GRM8: variants seen among roughly 807,000 people sequenced by gnomAD.
The protein encoded by GRM8 is metabotropic glutamate receptor 8.
GRM8 carries 47 observed loss-of-function variants against 87.2 expected under a neutral mutation model. The ratio of observed to expected loss-of-function variants is 0.54; its 90% CI spans 0.43 to 0.69. The LOEUF (loss-of-function observed/expected upper bound fraction) is 0.69, where lower values mean the gene tolerates loss of function less well. Ranked by LOEUF, GRM8 falls within the 30% of genes least tolerant of loss-of-function variation. The probability of loss-of-function intolerance (pLI) is 0.00; values close to 1 mark genes in which losing one functional copy is unlikely to be tolerated. For synonymous variants in GRM8, 396 were observed against 404.5 expected, an observed-to-expected ratio of 0.98 and a Z score of 0.25; for missense variants, 1,019 against 1,139.2, an observed-to-expected ratio of 0.89 and a Z score of 1.52.
chr7:126,547,475 T>C (rs1817284418), intron 8 of GRM8, among the ~76,000 whole-genome samples: 1 of 151,838 alleles, frequency 6.6e-6, no homozygotes, highest in African/African-American at 2.4e-5. Flanking sequence ...TCTGATACAT[T>C]ATCATTCATT....
At chr7:127,073,719 A>G (rs997228539) in intron 3 of GRM8, among the ~76,000 whole-genome samples, 2 of 152,176 alleles carry the variant, frequency 1.3e-5, no homozygotes, top group African/African-American at 4.8e-5. Context: ...CTCACGAATC[A>G]TGAGGTGGGA....
intron 3 of GRM8, among the ~76,000 whole-genome samples, chr7:126,908,520 T>C (rs531688257): frequency 1.3e-5 from 2 of 152,326 alleles, no homozygotes; most frequent in African/African-American, 2.4e-5. Flanking sequence ...ATTAAAGACA[T>C]GTTATATGCT....
chr7:126,555,782 T>G (rs2150943613), intron 8 of GRM8, among the ~76,000 whole-genome samples: 1 of 152,306 alleles, frequency 6.6e-6, no homozygotes, highest in Non-Finnish European at 1.5e-5. Flanking sequence ...ACTTTATTCT[T>G]CCTAAAATAT....
intron 7 of GRM8, among the ~76,000 whole-genome samples, chr7:126,737,300 A>G (rs1287860400): frequency 6.6e-6 from 1 of 151,942 alleles, no homozygotes; most frequent in Non-Finnish European, 1.5e-5. Context: ...ATCTCCACCA[A>G]GGAACTGACT....
intron 3 of GRM8, among the ~76,000 whole-genome samples, chr7:127,070,126 A>T (rs929494090): frequency 4.6e-5 from 7 of 152,192 alleles, no homozygotes; most frequent in Non-Finnish European, 8.8e-5. Context: ...ACTTGTCTTT[A>T]AAAATACCAT....
At chr7:126,879,905 T>C (rs1189807352) in intron 6 of GRM8, among the ~76,000 whole-genome samples, 2 of 152,204 alleles carry the variant, frequency 1.3e-5, no homozygotes, top group African/African-American at 4.8e-5. Flanking sequence ...CTAGTTTGCG[T>C]GCCCTTTCTC....
intron 6 of GRM8, among the ~76,000 whole-genome samples, chr7:126,886,652 C>T (rs1233001510): frequency 6.6e-6 from 1 of 152,134 alleles, no homozygotes; most frequent in African/African-American, 2.4e-5. Context: ...AATGAAGTTA[C>T]TGCCTACGTG....
At chr7:126,927,359 A>G (rs139103925) in intron 3 of GRM8, among the ~76,000 whole-genome samples, 134 of 151,502 alleles carry the variant, frequency 8.8e-4, no homozygotes, top group African/African-American at 3.1e-3. Context: ...TTGGTTTTGA[A>G]CTCCTGGCTT....
chr7:127,228,860 T>G (rs920482696), intron 2 of GRM8: 1 of 152,206 alleles, frequency 6.6e-6, no homozygotes, highest in African/African-American at 2.4e-5. Context: ...GGGCATAGAT[T>G]CTTTGAGGGA....
intron 2 of GRM8, among the ~76,000 whole-genome samples, chr7:127,144,142 G>A (rs1470645723): frequency 6.6e-6 from 1 of 152,078 alleles, no homozygotes; most frequent in Non-Finnish European, 1.5e-5. Flanking sequence ...CATATACTTG[G>A]AACAGTGTGG....
In GRM8 at chr7:126,971,638, A is replaced by G. The variant is rs17867722; in HGVS notation, c.728-66955T>C. Among the ~76,000 whole-genome samples, 1,410 of 152,276 alleles carry G rather than the reference A, an allele frequency of 9.3e-3. 15 individuals carry two copies. The highest frequency in any genetic ancestry group is 0.014 in the Non-Finnish European group (942 of 68,008). On this transcript the variant is annotated intron_variant, in intron 3 of 10. Coordinates refer to ENST00000339582, the MANE Select transcript of GRM8 (RefSeq NM_000845.3). The stretch of plus-strand genomic sequence containing the variant: ...ATCAAGGAACTTAGCTGAATCTTCT[A>G]GGAGGGCTATGAGTCCATGAGGAGA...
chr7:126,788,409 C>CAAAAAAAAAAAAAAAAA (rs67131936), intron 6 of GRM8, among the ~76,000 whole-genome samples: 186 of 10,758 alleles, frequency 0.017, 13 homozygotes, highest in African/African-American at 0.048. Flanking sequence ...GACTCCATCT[C>CAAAAAAAAAAAAAAAAA]AAAAAAAAAA....
At chr7:126,956,086 T>C (rs1671563254) in intron 3 of GRM8, among the ~76,000 whole-genome samples, 1 of 152,202 alleles carries the variant, frequency 6.6e-6, no homozygotes, top group Non-Finnish European at 1.5e-5. Flanking sequence ...CCAATTTTGG[T>C]ATATTATCAA....
intron 3 of GRM8, among the ~76,000 whole-genome samples, chr7:126,907,056 A>C (rs1424702622): frequency 6.6e-6 from 1 of 151,910 alleles, no homozygotes. Flanking sequence ...AAAAAGAAAG[A>C]AGAAGAAGAG....
At chr7:127,002,825 T>C (rs1296059630) in intron 3 of GRM8, among the ~76,000 whole-genome samples, 3 of 151,812 alleles carry the variant, frequency 2.0e-5, no homozygotes, top group Non-Finnish European at 4.4e-5. Context: ...ATTGTGCAGT[T>C]TTTCTATGTT....
At chr7:127,093,250 T>C (rs1036715977) in intron 3 of GRM8, among the ~76,000 whole-genome samples, 3 of 152,140 alleles carry the variant, frequency 2.0e-5, no homozygotes, top group Admixed American at 2.0e-4. Context: ...GACTGGAAAC[T>C]GCACAAGGAC....
intron 2 of GRM8, among the ~76,000 whole-genome samples, chr7:127,222,226 C>T (rs6955531): frequency 0.022 from 3,408 of 152,240 alleles, 122 homozygotes; most frequent in African/African-American, 0.077. Context: ...GCCAATGTGG[C>T]AAAATCCCAT....
At chr7:126,967,024 A>G (rs904695121) in intron 3 of GRM8, among the ~76,000 whole-genome samples, 5 of 152,182 alleles carry the variant, frequency 3.3e-5, no homozygotes, top group African/African-American at 9.7e-5. Context: ...ACAGAAAAAG[A>G]TAAGAACTTT....
At chr7:126,483,746 TCCCTCCCTCC>T (rs1807014663) in intron 9 of GRM8, among the ~76,000 whole-genome samples, 1 of 29,902 alleles carries the variant, frequency 3.3e-5, no homozygotes, top group African/African-American at 1.5e-4. Context: ...AGTATTTCCC[TCCCTCCCTCC>T]CTCCCTCCCT....
Sources: gnomAD v4.1 joint callset for allele counts (sites outside exome capture counted in the v4.1 genomes callset) on GRCh38, gnomAD v4.1.1 for gene constraint, MANE v1.5 for transcripts, NCBI Gene and HGNC (gene_info 2026-07-23, HGNC 2026-07-21) for gene names.